ZDHHC15: variants seen among roughly 807,000 people sequenced by gnomAD.
ZDHHC15 encodes zDHHC palmitoyltransferase 15.
In ZDHHC15, 19 loss-of-function variants were observed where a neutral mutation model predicts 31.7. That is an observed-to-expected ratio of 0.60 (90% CI 0.42 to 0.88). The LOEUF (loss-of-function observed/expected upper bound fraction) is 0.88. Among genes scored for constraint, ZDHHC15 ranks in the 40% least tolerant of loss-of-function variants. ZDHHC15 has a pLI of 0.00. For synonymous variants in ZDHHC15, 103 were observed against 90.0 expected (o/e 1.14, Z -0.82); for missense variants, 209 against 251.2 (o/e 0.83, Z 1.14).
At chrX:75,376,393 C>A (rs2083061127) in intron 11 of ZDHHC15, among the ~76,000 whole-genome samples, 1 of 110,472 alleles carries the variant, frequency 9.1e-6, no homozygotes, top group Non-Finnish European at 1.9e-5. Context: ...TGTGCAGAAG[C>A]TCTTTAGTTT....
chrX:75,471,162 CT>C (rs892889362), intron 3 of ZDHHC15, among the ~76,000 whole-genome samples: 3 of 112,326 alleles, frequency 2.7e-5, no homozygotes, highest in African/African-American at 9.7e-5. Flanking sequence ...TAGTAAATGC[CT>C]TTTTCTCCAT....
intron 3 of ZDHHC15, among the ~76,000 whole-genome samples, chrX:75,465,117 C>A (rs2084381611): frequency 1.8e-5 from 2 of 112,156 alleles, no homozygotes; most frequent in African/African-American, 6.5e-5. Context: ...TCTCAGGATA[C>A]AAAATTAATG....
intron 4 of ZDHHC15, among the ~76,000 whole-genome samples, chrX:75,436,612 G>A (rs1014366899): frequency 1.8e-5 from 2 of 112,153 alleles, no homozygotes; most frequent in African/African-American, 3.2e-5. Flanking sequence ...TTCATGAGTA[G>A]TTTATTTAAA....
chrX:75,418,004 G>A (rs980866938), intron 9 of ZDHHC15, among the ~76,000 whole-genome samples: 10 of 112,136 alleles, frequency 8.9e-5, no homozygotes, highest in African/African-American at 3.2e-4. Flanking sequence ...GAATGTAAGT[G>A]TACTGATTAT....
At chrX:75,420,773 G>A (rs2083616838) in intron 9 of ZDHHC15, among the ~76,000 whole-genome samples, 1 of 110,600 alleles carries the variant, frequency 9.0e-6, no homozygotes, top group Admixed American at 9.7e-5. Context: ...ATGGACATAG[G>A]GAGGGGAACA....
At chrX:75,453,068 C>A (rs1038757290) in intron 3 of ZDHHC15, among the ~76,000 whole-genome samples, 4 of 111,599 alleles carry the variant, frequency 3.6e-5, no homozygotes, top group Non-Finnish European at 5.7e-5. Context: ...ACACAAAAAA[C>A]CCTTCAAAAA....
Position 75,384,394 on chromosome X carries a change from A to T in ZDHHC15, c.968-5196T>A. 4.9e-6 allele frequency: 5 copies of T among 1,014,824 alleles called. No individual in the cohort carries two copies. The South Asian group carries it at 9.4e-5, about 19-fold the overall frequency. 83.6% of individuals were successfully genotyped at this position (1,014,824 alleles called of 1,213,427 possible). On this transcript the variant is annotated intron_variant, in intron 10 of 11. Coordinates refer to ENST00000373367, the MANE Select transcript of ZDHHC15 (RefSeq NM_144969.3). ...GAGAGGCACCCAATATATGTTCTCT[A>T]GGCCTTTTAGAAAACATGGAGTTGT...
At chrX:75,516,532 G>C (rs368580849) in intron 1 of ZDHHC15, among the ~76,000 whole-genome samples, 4 of 112,218 alleles carry the variant, frequency 3.6e-5, no homozygotes, top group South Asian at 7.4e-4. Context: ...TGGCTAGCCA[G>C]ATGTAGAAAG....
chrX:75,415,600 T>G (rs773779327), intron 10 of ZDHHC15, among the ~76,000 whole-genome samples: 1 of 112,207 alleles, frequency 8.9e-6, no homozygotes, highest in African/African-American at 3.2e-5. Flanking sequence ...ACATGTGAGA[T>G]TAACATCTCT....
At chrX:75,445,732 G>T (rs1181777200) in intron 4 of ZDHHC15, among the ~76,000 whole-genome samples, 1 of 111,913 alleles carries the variant, frequency 8.9e-6, no homozygotes, top group Non-Finnish European at 1.9e-5. Context: ...GATTTGTAAA[G>T]AATTGGATCC....
intron 3 of ZDHHC15, among the ~76,000 whole-genome samples, chrX:75,473,866 A>C (rs2084544473): frequency 8.9e-6 from 1 of 112,104 alleles, no homozygotes; most frequent in African/African-American, 3.2e-5. Flanking sequence ...TATTGACTTC[A>C]TATCAGCATT....
chrX:75,426,744 C>G (rs777842820), intron 7 of ZDHHC15, among the ~76,000 whole-genome samples: 1 of 111,296 alleles, frequency 9.0e-6, no homozygotes, highest in Non-Finnish European at 1.9e-5. Flanking sequence ...ATTCTTTAAT[C>G]TCATGGAGCT....
intron 10 of ZDHHC15, among the ~76,000 whole-genome samples, chrX:75,415,107 A>G (rs181820254): frequency 2.6e-4 from 29 of 111,448 alleles, no homozygotes; most frequent in African/African-American, 8.5e-4. Context: ...GAAATGTTAT[A>G]TTTTGGGCTA....
At chrX:75,460,103 G>A (rs912710495) in intron 3 of ZDHHC15, among the ~76,000 whole-genome samples, 5 of 112,049 alleles carry the variant, frequency 4.5e-5, no homozygotes, top group African/African-American at 1.6e-4. Context: ...TTGAACTCCC[G>A]ACCTCAGGTG....
At chrX:75,456,097 C>G (rs1038688132) in intron 3 of ZDHHC15, among the ~76,000 whole-genome samples, 1 of 111,615 alleles carries the variant, frequency 9.0e-6, no homozygotes, top group Non-Finnish European at 1.9e-5. Context: ...AGACTTGGAA[C>G]CAACCCAAAT....
intron 10 of ZDHHC15, among the ~76,000 whole-genome samples, chrX:75,379,786 T>C (rs2083095928): frequency 8.9e-6 from 1 of 112,106 alleles, no homozygotes; most frequent in Admixed American, 9.5e-5. Flanking sequence ...CATTTTGAGA[T>C]TAAAAAGTTG....
At position 75,396,757 on chromosome X, in the gene ZDHHC15, T is replaced by TG. The variant is rs1569309414; in HGVS notation, c.968-17560dup. ...AGCAACCTAAGTGTCCATCAGCAGA[T>TG]GAATAGATAAAAAGTAGTATATACA... On this transcript the variant is annotated intron_variant, in intron 10 of 11. Transcript: ENST00000373367. 7.8e-3 allele frequency among the ~76,000 whole-genome samples: 867 copies of TG among 111,208 alleles called. 11 individuals are homozygous for TG. The highest frequency in any genetic ancestry group is 0.026 in the African/African-American group (797 of 30,590).
chrX:75,491,592 T>C (rs757191206), intron 2 of ZDHHC15, among the ~76,000 whole-genome samples: 1 of 109,123 alleles, frequency 9.2e-6, no homozygotes, highest in East Asian at 2.9e-4. Flanking sequence ...AACCTGCACA[T>C]TGTGCACGTG....
intron 2 of ZDHHC15, among the ~76,000 whole-genome samples, chrX:75,489,075 G>C (rs1483723751): frequency 1.8e-5 from 2 of 111,910 alleles, no homozygotes; most frequent in Non-Finnish European, 3.8e-5. Context: ...GGCTTGAGTA[G>C]GTAAACAAAG....
Sources: gnomAD v4.1 joint callset for allele counts (sites outside exome capture counted in the v4.1 genomes callset) on GRCh38, gnomAD v4.1.1 for gene constraint, MANE v1.5 for transcripts, NCBI Gene and HGNC (gene_info 2026-07-23, HGNC 2026-07-21) for gene names.